The following INSYN2A variants were observed in gnomAD, a reference collection of about 807,000 sequenced individuals.
INSYN2A encodes the protein inhibitory synaptic factor 2A.
A neutral mutation model predicts 39.4 loss-of-function variants in INSYN2A; 17 were observed. The observed-to-expected ratio is 0.43, with a 90% confidence interval of 0.30 to 0.65. The LOEUF (loss-of-function observed/expected upper bound fraction) is 0.65, where lower values mean the gene tolerates loss of function less well. INSYN2A is among the 30% of genes least tolerant of loss of function. The pLI is 0.14. For missense variants in INSYN2A, 595 were observed against 631.2 expected (o/e 0.94, Z 0.61); for synonymous variants, 255 against 265.7 (o/e 0.96, Z 0.39).
intron 2 of INSYN2A, among the ~76,000 whole-genome samples, chr10:127,184,359 T>A (rs2056025765): frequency 7.4e-6 from 1 of 134,434 alleles, no homozygotes; most frequent in Non-Finnish European, 1.6e-5. Flanking sequence ...CATGCCCTAT[T>A]CGTTTTTGTT....
intron 2 of INSYN2A, among the ~76,000 whole-genome samples, chr10:127,187,790 G>C (rs2056419940): frequency 6.6e-6 from 1 of 152,094 alleles, no homozygotes; most frequent in Non-Finnish European, 1.5e-5. Flanking sequence ...AAGCAAGCAA[G>C]CAAGCAAGCA....
At chr10:127,170,345 C>A (rs1186118332) in intron 4 of INSYN2A, among the ~76,000 whole-genome samples, 1 of 152,198 alleles carries the variant, frequency 6.6e-6, no homozygotes, top group East Asian at 1.9e-4. Context: ...TCTCCCCCTA[C>A]CCCAAGCCTG....
intron 1 of INSYN2A, among the ~76,000 whole-genome samples, chr10:127,195,727 G>A (rs1263581218): frequency 6.6e-6 from 1 of 152,150 alleles, no homozygotes; most frequent in Admixed American, 6.5e-5. Flanking sequence ...CCTCCCTGAC[G>A]TCGCCAAAGT....
At chr10:127,183,808 T>A (rs2055962109) in intron 2 of INSYN2A, among the ~76,000 whole-genome samples, 1 of 152,172 alleles carries the variant, frequency 6.6e-6, no homozygotes, top group Non-Finnish European at 1.5e-5. Flanking sequence ...AACTGTATAT[T>A]TTATTCCTTA....
At chr10:127,160,007 T>G (rs1277540510) in intron 4 of INSYN2A, among the ~76,000 whole-genome samples, 1 of 152,152 alleles carries the variant, frequency 6.6e-6, no homozygotes, top group Admixed American at 6.5e-5. Flanking sequence ...CTGCAAGCTT[T>G]CTTCCCGGCC....
intron 4 of INSYN2A, among the ~76,000 whole-genome samples, chr10:127,164,093 G>A (rs2053844550): frequency 6.6e-6 from 1 of 150,910 alleles, no homozygotes; most frequent in African/African-American, 2.4e-5. Context: ...AGGGGACGCA[G>A]GGGTCAGCCG....
chr10:127,138,641 C>A (rs1474219689), intron 5 of INSYN2A, among the ~76,000 whole-genome samples: 1 of 152,140 alleles, frequency 6.6e-6, no homozygotes, highest in Admixed American at 6.5e-5. Context: ...CATTACTAAC[C>A]ACAGTTTCTT....
intron 2 of INSYN2A, among the ~76,000 whole-genome samples, chr10:127,177,721 C>T (rs1326029420): frequency 1.3e-5 from 2 of 152,240 alleles, no homozygotes; most frequent in Non-Finnish European, 2.9e-5. Context: ...TGGCAGCACT[C>T]ATTGGAAAAT....
intron 2 of INSYN2A, among the ~76,000 whole-genome samples, chr10:127,186,617 A>G (rs1349395477): frequency 6.6e-6 from 1 of 150,642 alleles, no homozygotes; most frequent in Non-Finnish European, 1.5e-5. Context: ...CAGAGAGCCA[A>G]ACCGTATCAG....
At chr10:127,155,183 C>G (rs998710984) in intron 4 of INSYN2A, among the ~76,000 whole-genome samples, 7 of 152,082 alleles carry the variant, frequency 4.6e-5, no homozygotes, top group Non-Finnish European at 1.0e-4. Context: ...ACTTTTTATC[C>G]CCTTTGCTGT....
intron 4 of INSYN2A, among the ~76,000 whole-genome samples, chr10:127,166,684 A>G (rs527279896): frequency 1.3e-5 from 2 of 152,342 alleles, no homozygotes; most frequent in South Asian, 2.1e-4. Flanking sequence ...CCTCAGCTCC[A>G]GTGGGAAATA....
At chr10:127,189,210 C>A (rs567850165) in intron 2 of INSYN2A, among the ~76,000 whole-genome samples, 1 of 152,358 alleles carries the variant, frequency 6.6e-6, no homozygotes, top group African/African-American at 2.4e-5. Context: ...TAGACTTATA[C>A]TTTAAAGCTG....
intron 5 of INSYN2A, among the ~76,000 whole-genome samples, chr10:127,149,632 G>A (rs2052285749): frequency 6.6e-6 from 1 of 152,108 alleles, no homozygotes; most frequent in Non-Finnish European, 1.5e-5. Flanking sequence ...AGTGAAAAGT[G>A]GTGTTTAAAT....
chr10:127,193,632 GT>G (rs1232491984), intron 1 of INSYN2A, among the ~76,000 whole-genome samples: 2 of 152,184 alleles, frequency 1.3e-5, no homozygotes, highest in African/African-American at 4.8e-5. Flanking sequence ...ACTGCGATCC[GT>G]TGTTATTTCT....
chr10:127,175,315 G>A lies in INSYN2A; in HGVS notation c.1081C>T (p.Gln361Ter). 1.9e-6 allele frequency: 3 copies of A among 1,614,128 alleles called. No homozygotes were observed. The highest frequency in any genetic ancestry group is 2.5e-6 in the Non-Finnish European group (3 of 1,180,046). ...ATCAAGTTCTCCATCATCTGAAGTTGTGCTTTGAGGTCGACCACTTCCGTA... is the reference window on the plus strand; with the variant it reads ...ATCAAGTTCTCCATCATCTGAAGTTATGCTTTGAGGTCGACCACTTCCGTA... ...PHTEVVDLKA[Q>*]LQMMENLISS... Residue 361 changes from glutamine to a stop codon, truncating the protein, a stop_gained, in exon 4 of 6, where the codon CAA becomes TAA. Transcript: ENST00000522781. LOFTEE classifies it high-confidence loss of function. The surrounding 1 kb of genome is among the most constrained non-coding windows in gnomAD (Gnocchi z 6.3).
intron 4 of INSYN2A, among the ~76,000 whole-genome samples, chr10:127,173,448 G>A (rs1165519556): frequency 6.6e-6 from 1 of 152,200 alleles, no homozygotes; most frequent in East Asian, 1.9e-4. Flanking sequence ...TAAGAGGAGT[G>A]TAAGAAGGCG....
chr10:127,151,318 A>G (rs1041073357), intron 5 of INSYN2A, among the ~76,000 whole-genome samples: 1 of 152,158 alleles, frequency 6.6e-6, no homozygotes, highest in African/African-American at 2.4e-5. Flanking sequence ...ACAGGACTCA[A>G]TGAAATAAAG....
chr10:127,180,419 G>A (rs2055614233), intron 2 of INSYN2A, among the ~76,000 whole-genome samples: 1 of 152,184 alleles, frequency 6.6e-6, no homozygotes. Flanking sequence ...TTTTTCGTAA[G>A]AAAATTGTGT....
intron 2 of INSYN2A, among the ~76,000 whole-genome samples, chr10:127,182,435 A>G (rs771804363): frequency 1.3e-5 from 2 of 152,160 alleles, no homozygotes; most frequent in Non-Finnish European, 2.9e-5. Flanking sequence ...CTTGGTGCTC[A>G]TGTTTTAAAA....
Sources: gnomAD v4.1 joint callset for allele counts (sites outside exome capture counted in the v4.1 genomes callset) on GRCh38, gnomAD v4.1.1 for gene constraint, Gnocchi (gnomAD v3.1) non-coding constraint, MANE v1.5 for transcripts, NCBI Gene and HGNC (gene_info 2026-07-23, HGNC 2026-07-21) for gene names.